The following RYR2 variants were observed in gnomAD, a reference collection of about 807,000 sequenced individuals.
The protein encoded by RYR2 is cardiac muscle ryanodine receptor-calcium release channel.
A neutral mutation model predicts 601.1 loss-of-function variants in RYR2; 227 were observed. That is an observed-to-expected ratio of 0.38 (90% CI 0.34 to 0.42). The LOEUF (loss-of-function observed/expected upper bound fraction) is 0.42, where lower values mean the gene tolerates loss of function less well. Among genes scored for constraint, RYR2 ranks in the 10% least tolerant of loss-of-function variants. The probability of loss-of-function intolerance (pLI) is 1.00; values close to 1 mark genes in which losing one functional copy is unlikely to be tolerated. For synonymous variants in RYR2, 2,223 were observed against 2,175.1 expected, an observed-to-expected ratio of 1.02 and a Z score of -0.61; for missense variants, 4,646 against 6,156.5, an observed-to-expected ratio of 0.75 and a Z score of 8.21.
At chr1:237,650,636 C>T (rs116360515) in intron 50 of RYR2, among the ~76,000 whole-genome samples, 332 of 152,238 alleles carry the variant, frequency 2.2e-3, no homozygotes, top group African/African-American at 7.6e-3. Flanking sequence ...CGTATCTCCC[C>T]CTGATGAAGT....
intron 41 of RYR2, among the ~76,000 whole-genome samples, chr1:237,628,353 A>C (rs1490531163): frequency 6.7e-6 from 1 of 149,560 alleles, no homozygotes; most frequent in African/African-American, 2.5e-5. Context: ...TATATCTCCT[A>C]ATGCTATCCC....
chr1:237,708,033 C>T (rs949750137), intron 68 of RYR2, among the ~76,000 whole-genome samples: 11 of 151,268 alleles, frequency 7.3e-5, no homozygotes, highest in African/African-American at 1.9e-4. Context: ...CCACCCACCT[C>T]GGCCTCCCAA....
At chr1:237,525,825 C>T (rs1667523560) in intron 24 of RYR2, among the ~76,000 whole-genome samples, 1 of 151,662 alleles carries the variant, frequency 6.6e-6, no homozygotes, top group African/African-American at 2.4e-5. Context: ...ACTAAAAATA[C>T]AAAAATTAGC....
chr1:237,314,610 A>G (rs140987473), intron 2 of RYR2, among the ~76,000 whole-genome samples: 2 of 152,338 alleles, frequency 1.3e-5, no homozygotes, highest in Non-Finnish European at 2.9e-5. Flanking sequence ...TAAGGTGGTT[A>G]GTATTACAGG....
chr1:237,280,781 G>GTTTTTTTTTTTTTTT (rs35115328), intron 2 of RYR2, among the ~76,000 whole-genome samples: 4 of 143,670 alleles, frequency 2.8e-5, no homozygotes, highest in Non-Finnish European at 6.1e-5. Flanking sequence ...CTTCTTACTG[G>GTTTTTTTTTTTTTTT]TTTTTTTTTT....
chr1:237,324,852 G>C (rs1367855845), intron 2 of RYR2, among the ~76,000 whole-genome samples: 1 of 152,158 alleles, frequency 6.6e-6, no homozygotes, highest in Non-Finnish European at 1.5e-5. Flanking sequence ...GTCACTTGGA[G>C]CCCAATTGAA....
At chr1:237,665,688 C>T (rs984860096) in intron 56 of RYR2, among the ~76,000 whole-genome samples, 11 of 152,230 alleles carry the variant, frequency 7.2e-5, no homozygotes, top group African/African-American at 2.4e-4. Context: ...AAAACTGACC[C>T]GTAAGTTAAG....
chr1:237,471,253 T>C (rs1660692793), intron 17 of RYR2: 1 of 152,402 alleles, frequency 6.6e-6, no homozygotes, highest in African/African-American at 2.4e-5. Flanking sequence ...CATTCACCCG[T>C]GGAAGCTTCC....
At chr1:237,619,417 A>T (rs1678831188) in intron 38 of RYR2, among the ~76,000 whole-genome samples, 1 of 152,224 alleles carries the variant, frequency 6.6e-6, no homozygotes, top group South Asian at 2.1e-4. Flanking sequence ...AGCAGAATGA[A>T]GGGAGAAGAA....
chr1:237,233,847 T>G (rs1254207974), intron 1 of RYR2, among the ~76,000 whole-genome samples: 1 of 151,516 alleles, frequency 6.6e-6, no homozygotes. Context: ...CCACCATGCC[T>G]GGCTAATTTT....
chr1:237,226,255 G>A (rs777021837), intron 1 of RYR2, among the ~76,000 whole-genome samples: 1 of 152,140 alleles, frequency 6.6e-6, no homozygotes, highest in Non-Finnish European at 1.5e-5. Flanking sequence ...ATGCGAAATT[G>A]CTGCGTATTT....
At chr1:237,643,886 T>C (rs1386216692) in intron 48 of RYR2, among the ~76,000 whole-genome samples, 1 of 152,184 alleles carries the variant, frequency 6.6e-6, no homozygotes, top group African/African-American at 2.4e-5. Context: ...AGTGCTGGGA[T>C]TACAGGTGTG....
rs1445161355 is a variant in RYR2, at chr1:237,180,579, T to C, written c.49-89918T>C. 6.8e-6 allele frequency among the ~76,000 whole-genome samples: 1 copy of C among 147,408 alleles called. No individual in the cohort carries two copies. Among genetic ancestry groups the C allele is most frequent in the Non-Finnish European group, 1.5e-5 (1 of 66,882 alleles). ...ACCCAAATATATATATGTGTGTGTG[T>C]GTATATATGTATATATAAGTATATA... On this transcript the variant is annotated intron_variant, in intron 1 of 104. Coordinates refer to ENST00000366574, the MANE Select transcript of RYR2 (RefSeq NM_001035.3). This position sits in a 1 kb window ranked among gnomAD's most constrained non-coding sequence, Gnocchi z 5.3.
At chr1:237,810,610 C>G (rs1661147507) in intron 100 of RYR2, among the ~76,000 whole-genome samples, 1 of 152,034 alleles carries the variant, frequency 6.6e-6, no homozygotes, top group Non-Finnish European at 1.5e-5. Context: ...AATTCCACTG[C>G]TAGTACTTTA....
At position 237,298,857 on chromosome 1, in the gene RYR2, G is replaced by A. The variant is rs546111817; in HGVS notation, c.168+28241G>A. ...TCTACAAAAAATTAGAAAATTAGCC[G>A]AGTATGGTGGTGCACACCTGTAGTT... On this transcript the variant is annotated intron_variant, in intron 2 of 104. Transcript: ENST00000366574. Among the ~76,000 whole-genome samples, 21 of 152,096 alleles carry A rather than the reference G, an allele frequency of 1.4e-4. 1 individual carries two copies. The East Asian group carries it at 4.1e-3, about 29-fold the overall frequency.
intron 3 of RYR2, among the ~76,000 whole-genome samples, chr1:237,349,207 T>TCCCTCCA (rs1263698239): frequency 6.6e-6 from 1 of 151,988 alleles, no homozygotes. Flanking sequence ...TAAAAGTAAC[T>TCCCTCCA]GGAGGAGGGA....
At chr1:237,301,425 A>G (rs1693339953) in intron 2 of RYR2, among the ~76,000 whole-genome samples, 1 of 152,194 alleles carries the variant, frequency 6.6e-6, no homozygotes, top group Non-Finnish European at 1.5e-5. Flanking sequence ...CTATGGATTC[A>G]TAAAGAGTAT....
At chr1:237,438,155 A>G (rs1408716479) in intron 12 of RYR2, among the ~76,000 whole-genome samples, 1 of 151,874 alleles carries the variant, frequency 6.6e-6, no homozygotes, top group Non-Finnish European at 1.5e-5. Flanking sequence ...TATTTCATTT[A>G]TTTTTGTGAT....
At chr1:237,462,570 C>T (rs995797083) in intron 16 of RYR2, among the ~76,000 whole-genome samples, 1 of 152,158 alleles carries the variant, frequency 6.6e-6, no homozygotes, top group African/African-American at 2.4e-5. Flanking sequence ...TATGAATACT[C>T]ATTTTCTGAA....
Sources: allele counts gnomAD v4.1 joint callset (sites outside exome capture counted in the v4.1 genomes callset), GRCh38; gene constraint gnomAD v4.1.1; non-coding constraint Gnocchi (gnomAD v3.1); transcripts MANE v1.5; gene names NCBI Gene and HGNC (gene_info 2026-07-23, HGNC 2026-07-21).